NAV1: variants seen among roughly 807,000 people sequenced by gnomAD.
NAV1 encodes neuron navigator 1.
NAV1 carries 18 observed loss-of-function variants against 175.2 expected under a neutral mutation model. The observed-to-expected ratio is 0.10, with a 90% CI of 0.07 to 0.15. The LOEUF (loss-of-function observed/expected upper bound fraction) is 0.15, where lower values mean the gene tolerates loss of function less well. Ranked by LOEUF, NAV1 falls within the 10% of genes least tolerant of loss-of-function variation. The probability of loss-of-function intolerance (pLI) is 1.00; values close to 1 mark genes in which losing one functional copy is unlikely to be tolerated. For missense variants in NAV1, 1,731 were observed against 2,436.6 expected, an observed-to-expected ratio of 0.71 and a Z score of 6.10; for synonymous variants, 897 against 978.7, an observed-to-expected ratio of 0.92 and a Z score of 1.56.
At chr1:201,593,174 A>G (rs116411685) in intron 2 of NAV1, among the ~76,000 whole-genome samples, 540 of 152,270 alleles carry the variant, frequency 3.5e-3, no homozygotes, top group African/African-American at 0.013. Flanking sequence ...GGGGTATTCA[A>G]TCATGGCTGC....
intron 1 of NAV1, among the ~76,000 whole-genome samples, chr1:201,657,635 G>A (rs904342429): frequency 6.6e-6 from 1 of 152,160 alleles, no homozygotes; most frequent in Non-Finnish European, 1.5e-5. Context: ...TCCCTGCCGG[G>A]GACCCACGGC....
chr1:201,549,013 T>C (rs570164235), intron 1 of NAV1, among the ~76,000 whole-genome samples: 1 of 152,346 alleles, frequency 6.6e-6, no homozygotes, highest in South Asian at 2.1e-4. Flanking sequence ...TCTGTACAAT[T>C]TGATGGTGAC....
At chr1:201,617,149 A>G (rs1402392935) in intron 2 of NAV1, among the ~76,000 whole-genome samples, 2 of 152,162 alleles carry the variant, frequency 1.3e-5, no homozygotes, top group Non-Finnish European at 2.9e-5. Flanking sequence ...AGAAGGAGAA[A>G]GAACAAAGAG....
At chr1:201,667,463 G>A (rs746321012) in intron 1 of NAV1, among the ~76,000 whole-genome samples, 14 of 152,158 alleles carry the variant, frequency 9.2e-5, no homozygotes, top group East Asian at 1.9e-4. Context: ...TGAGGAAACC[G>A]ACATGCCCAA....
chr1:201,565,219 G>T (rs949814073), intron 1 of NAV1, among the ~76,000 whole-genome samples: 2 of 152,130 alleles, frequency 1.3e-5, no homozygotes, highest in Non-Finnish European at 1.5e-5. Context: ...AAGGTGACTG[G>T]CACATACTAA....
At chr1:201,800,071 C>T (rs968631978) in intron 15 of NAV1, among the ~76,000 whole-genome samples, 4 of 151,998 alleles carry the variant, frequency 2.6e-5, no homozygotes, top group Admixed American at 6.6e-5. Flanking sequence ...GCTATCGCAG[C>T]TCACTGCAGC....
At position 201,718,937 on chromosome 1, in the gene NAV1, G is replaced by T. The variant is rs971565273; in HGVS notation, c.1226+182G>T. Among the ~76,000 whole-genome samples the T allele has an allele frequency of 6.6e-6, 1 of 152,068 alleles. No individual in the cohort carries two copies. The highest frequency in any genetic ancestry group is 2.4e-5 in the African/African-American group (1 of 41,384). ...CTGAAATTCGATGTGGTTTATTCTAGACTTGGGTGTGGTGTAGGCAGGGCC... is the reference window on the plus strand; with the variant it reads ...CTGAAATTCGATGTGGTTTATTCTATACTTGGGTGTGGTGTAGGCAGGGCC... On this transcript the variant is annotated intron_variant, in intron 3 of 29. Coordinates refer to ENST00000367296, the Ensembl canonical transcript of NAV1. This position sits in a 1 kb window ranked among gnomAD's most constrained non-coding sequence, Gnocchi z 4.8.
Position 201,782,115 on chromosome 1 carries a change from G to C in NAV1, c.1664-61G>C. The C allele has an allele frequency of 1.4e-6, 2 of 1,419,908 alleles. No homozygotes were observed. The highest frequency in any genetic ancestry group is 1.4e-5 in the South Asian group (1 of 72,778). The allele number at this position is 1,419,908 out of a possible 1,614,324, so 88.0% of individuals were successfully genotyped here. A position where few individuals can be genotyped will look rare whatever the true frequency, so the allele number is the denominator to read the frequency against. On this transcript the variant is annotated intron_variant, in intron 5 of 29. Transcript: ENST00000367296. This position sits in a 1 kb window ranked among gnomAD's most constrained non-coding sequence, Gnocchi z 5.4. ...CCTTCTCCCATGGAGGGAAAGAAAAGGGTGGGTTTTTAAGATACTGGTCAG... is the reference window on the plus strand; with the variant it reads ...CCTTCTCCCATGGAGGGAAAGAAAACGGTGGGTTTTTAAGATACTGGTCAG...
intron 3 of NAV1, among the ~76,000 whole-genome samples, chr1:201,728,071 G>C (rs953878566): frequency 2.1e-4 from 32 of 152,300 alleles, no homozygotes; most frequent in African/African-American, 6.3e-4. Context: ...TGTGGAGTTA[G>C]ATTCCTGGGT....
intron 11 of NAV1, 121 bp downstream of exon 15, chr1:201,789,913 T>C: frequency 1.1e-6 from 1 of 940,072 alleles, no homozygotes; most frequent in Non-Finnish European, 1.7e-6. Flanking sequence ...CTCTTCACTG[T>C]ACCCATTGGG....
At position 201,808,907 on chromosome 1, in the gene NAV1, G is replaced by A; in HGVS notation, c.4207+36G>A. On this transcript the variant is annotated intron_variant, in intron 20 of 29. Coordinates refer to ENST00000367296, the Ensembl canonical transcript of NAV1. This position sits in a 1 kb window ranked among gnomAD's most constrained non-coding sequence, Gnocchi z 5.5. ...GGGAGAAGAATCTATAAGGGTGAAG[G>A]GAAGAAAAGGGCTTATTTCACTGTT... is the stretch of plus-strand genomic sequence containing the variant. The A allele has an allele frequency of 6.3e-7, 1 of 1,585,426 alleles. No individual in the cohort carries two copies. Among genetic ancestry groups the A allele is most frequent in the Non-Finnish European group, 8.6e-7 (1 of 1,164,964 alleles).
intron 1 of NAV1, among the ~76,000 whole-genome samples, chr1:201,574,172 A>G (rs78663784): frequency 0.11 from 16,456 of 152,234 alleles, 1,026 homozygotes; most frequent in Admixed American, 0.14. Flanking sequence ...GAAAACAAGA[A>G]GTGACCTCAG....
At chr1:201,629,373 C>A in intron 1 of NAV1, 31 bp from the exon 4 acceptor site, 1 of 1,286,864 alleles carries the variant, frequency 7.8e-7, no homozygotes. Context: ...ACATCTCTAC[C>A]ATGAGTGACT....
At chr1:201,626,495 C>G (rs1239899533) in intron 1 of NAV1, among the ~76,000 whole-genome samples, 3 of 152,224 alleles carry the variant, frequency 2.0e-5, no homozygotes, top group East Asian at 3.8e-4. Flanking sequence ...TGAAGCTTGT[C>G]TCCTCTCATC....
At chr1:201,802,556 G>A (rs1243472259) in intron 15 of NAV1, among the ~76,000 whole-genome samples, 1 of 151,244 alleles carries the variant, frequency 6.6e-6, no homozygotes, top group Non-Finnish European at 1.5e-5. Flanking sequence ...TGAGGTGGGT[G>A]GATCATGAGG....
intron 1 of NAV1, among the ~76,000 whole-genome samples, chr1:201,574,656 G>A (rs1252607311): frequency 2.6e-5 from 4 of 152,236 alleles, no homozygotes; most frequent in Non-Finnish European, 5.9e-5. Flanking sequence ...CTGGTAGCCA[G>A]AACCACAGCC....
At chr1:201,719,515 C>T (rs1672280529) in intron 3 of NAV1, 1 of 153,048 alleles carries the variant, frequency 6.5e-6, no homozygotes. Flanking sequence ...AAGAGTTGGC[C>T]AGGACCCCAA....
At chr1:201,637,131 T>C (rs1416572136) in intron 2 of NAV1, among the ~76,000 whole-genome samples, 1 of 152,140 alleles carries the variant, frequency 6.6e-6, no homozygotes, top group African/African-American at 2.4e-5. Flanking sequence ...CTAACAAAAC[T>C]CTAATAAAGC....
At chr1:201,817,720 C>A (rs1679140970) in intron 29 of NAV1, among the ~76,000 whole-genome samples, 1 of 151,986 alleles carries the variant, frequency 6.6e-6, no homozygotes, top group African/African-American at 2.4e-5. Flanking sequence ...GAATATCAAC[C>A]AAAGAAGTAG....
Sources: allele counts gnomAD v4.1 joint callset (sites outside exome capture counted in the v4.1 genomes callset), GRCh38; gene constraint gnomAD v4.1.1; non-coding constraint Gnocchi (gnomAD v3.1); transcripts MANE v1.5; gene names NCBI Gene and HGNC (gene_info 2026-07-23, HGNC 2026-07-21).